TAF15: variants seen among roughly 807,000 people sequenced by gnomAD.
TAF15 encodes TATA-box binding protein associated factor 15.
In TAF15, 37 loss-of-function variants were observed where a neutral mutation model predicts 102.5. The ratio of observed to expected loss-of-function variants is 0.36; its 90% CI spans 0.28 to 0.47. The LOEUF is 0.47. Among genes scored for constraint, TAF15 ranks in the 20% least tolerant of loss-of-function variants. The pLI is 0.99. For missense variants in TAF15, 652 were observed against 760.7 expected (o/e 0.86, Z 1.68); for synonymous variants, 273 against 259.2 (o/e 1.05, Z -0.51).
chr17:35,844,425 G>C, intron 14 of TAF15, 52 bp from the exon 15 acceptor site: 1 of 1,612,702 alleles, frequency 6.2e-7, no homozygotes, highest in South Asian at 1.1e-5. Context: ...TAGCATTAAG[G>C]GGGCTTTACG....
Position 35,847,070 on chromosome 17 carries a change from T to TG in TAF15, c.*128dup. 1 of 391,476 alleles carries TG rather than the reference T, an allele frequency of 2.6e-6. No individual in the cohort carries two copies. Among genetic ancestry groups the TG allele is most frequent in the Non-Finnish European group, 5.3e-6 (1 of 188,600 alleles). The allele number at this position is 391,476 out of a possible 1,614,324, so 24.3% of individuals were successfully genotyped here. A position where few individuals can be genotyped will look rare whatever the true frequency, so the allele number is the denominator to read the frequency against. ...ATTAAGTGACATTTGGATTTTTATT[T>TG]GGGTGGGAGGGCTGGGACAGTTTTT... is the stretch of plus-strand genomic sequence containing the variant. On this transcript the variant is annotated 3_prime_UTR_variant, in exon 16 of 16. Coordinates refer to ENST00000605844, the MANE Select transcript of TAF15 (RefSeq NM_139215.3).
rs753814418 is a variant in TAF15 at position 35,844,062 on chromosome 17, G to A, written c.1007-15G>A. 1.2e-6 allele frequency: 2 copies of A among 1,612,924 alleles called. No individual in the cohort carries two copies. Among genetic ancestry groups the A allele is most frequent in the East Asian group, 2.2e-5 (1 of 44,880 alleles). On this transcript the variant is annotated splice_polypyrimidine_tract_variant and intron_variant, in intron 12 of 15. Coordinates refer to ENST00000605844, the MANE Select transcript of TAF15 (RefSeq NM_139215.3). ...ATCTGCTGCTGATTTTTCTCCCCTGGCCCCATCCCCCTAGGCCGTGGAGGA... is the reference window on the plus strand; with the variant it reads ...ATCTGCTGCTGATTTTTCTCCCCTGACCCCATCCCCCTAGGCCGTGGAGGA...
At chr17:35,836,986 A>G (rs2087482818) in intron 10 of TAF15, among the ~76,000 whole-genome samples, 1 of 151,962 alleles carries the variant, frequency 6.6e-6, no homozygotes, top group Non-Finnish European at 1.5e-5. Context: ...GTTGGCCAGG[A>G]TGGTCTTGAT....
intron 5 of TAF15, among the ~76,000 whole-genome samples, chr17:35,821,848 T>C (rs2087262192): frequency 6.6e-6 from 1 of 152,188 alleles, no homozygotes; most frequent in Non-Finnish European, 1.5e-5. Context: ...TGAAGATGTT[T>C]AGAAGACTGT....
At position 35,842,407 on chromosome 17, in the gene TAF15, C is replaced by G; in HGVS notation, c.954C>G (p.Ala318=). The change falls in exon 12 of 16, where the codon GCC becomes GCG. Residue 318 remains alanine, a synonymous_variant. Coordinates refer to ENST00000605844, the MANE Select transcript of TAF15 (RefSeq NM_139215.3). ...GCAACATCATTAAAGTGTCCTTTGC[C>G]ACTAGAAGACCTGAATTCATGAGAG... ...FHGNIIKVSF[A]TRRPEFMRGG... 6.2e-7 allele frequency: 1 copy of G among 1,614,030 alleles called. No homozygotes were observed. Among genetic ancestry groups the G allele is most frequent in the African/African-American group, 1.3e-5 (1 of 74,994 alleles).
intron 1 of TAF15, 102 bp from the exon 2 acceptor site, chr17:35,817,614 T>A: frequency 1.0e-6 from 1 of 1,002,006 alleles, no homozygotes; most frequent in Non-Finnish European, 1.5e-6. Flanking sequence ...TTTCTGCAGT[T>A]CTTTACATTT....
At chr17:35,822,915 G>GGCTGGGCGCGGTGGCTCAGGCCTGT in intron 6 of TAF15, 82 bp downstream of exon 6, 2 of 1,534,342 alleles carry the variant, frequency 1.3e-6, no homozygotes, top group Non-Finnish European at 1.8e-6. Context: ...AACCACAGAG[G>GGCTGGGCGCGGTGGCTCAGGCCTGT]ATTTCACCTG....
intron 7 of TAF15, among the ~76,000 whole-genome samples, chr17:35,825,594 C>G (rs530526128): frequency 1.3e-5 from 2 of 152,288 alleles, no homozygotes; most frequent in East Asian, 1.9e-4. Flanking sequence ...GATTATTAAA[C>G]TATCACTGTG....
chr17:35,820,207 A>T lies in TAF15; in HGVS notation c.143A>T (p.Gln48Leu), dbSNP rs2087242457. ...YGQTTDSSYG[Q>L]NYSGYSSYGQ... is the part of the protein sequence containing the mutation. ...CAAACGACTGATTCCTCTTATGGAC[A>T]GAACTACAGCGGTTACTCCAGTTAT... is the stretch of plus-strand genomic sequence containing the variant. Residue 48 changes from glutamine to leucine, a missense_variant, in exon 4 of 16, where the codon CAG (glutamine) becomes CTG (leucine). Physicochemically the swap from Gln to Leu is moderately radical, Grantham distance 113. This residue lies in a region of TAF15 where 243 missense variants were observed against 284.1 expected (regional missense o/e 0.86). Transcript: ENST00000605844. 6.2e-7 allele frequency: 1 copy of T among 1,614,048 alleles called. No homozygotes were observed. The highest frequency in any genetic ancestry group is 1.7e-5 in the Admixed American group (1 of 60,004).
chr17:35,817,781 T>C lies in TAF15; in HGVS notation c.47+26T>C. ...GTAAAGTATACATACATTTTAATAA[T>C]ATGAAAGGGTAGAACTGAGGTGAAT... On this transcript the variant is annotated intron_variant, in intron 2 of 15. Coordinates refer to ENST00000605844, the MANE Select transcript of TAF15 (RefSeq NM_139215.3). 1.9e-6 allele frequency: 3 copies of C among 1,605,338 alleles called. No individual in the cohort carries two copies. The Admixed American group carries it at 5.0e-5, about 27-fold the overall frequency.
chr17:35,828,046 C>CT (rs1444877318), intron 7 of TAF15, among the ~76,000 whole-genome samples: 1 of 152,218 alleles, frequency 6.6e-6, no homozygotes, highest in Non-Finnish European at 1.5e-5. Context: ...TTAACACCTT[C>CT]TAAAATTGCC....
At position 35,820,326 on chromosome 17, in the gene TAF15, C is replaced by T. The variant is rs1209454717; in HGVS notation, c.185-6C>T. 1.2e-6 allele frequency: 2 copies of T among 1,613,740 alleles called. No homozygotes were observed. Among genetic ancestry groups the T allele is most frequent in the African/African-American group, 2.7e-5 (2 of 74,886 alleles). On this transcript the variant is annotated splice_polypyrimidine_tract_variant and splice_region_variant and intron_variant, in intron 4 of 15. Coordinates refer to ENST00000605844, the MANE Select transcript of TAF15 (RefSeq NM_139215.3). ...TCACTAAATGATATACTCATCTAAT[C>T]TTTAGGTTATTCACAGTCCTATGGT...
At chr17:35,839,455 C>A (rs1376844486) in intron 11 of TAF15, among the ~76,000 whole-genome samples, 1 of 135,760 alleles carries the variant, frequency 7.4e-6, no homozygotes, top group South Asian at 2.4e-4. Flanking sequence ...AATCTCGGCT[C>A]ACTGCAGGCT....
rs771088255 is a variant in TAF15 at position 35,844,864 on chromosome 17, A to G, written c.1565A>G (p.Tyr522Cys). The change falls in exon 15 of 16, where the codon TAT (tyrosine) becomes TGT (cysteine). Residue 522 changes from tyrosine to cysteine, a missense_variant. Around this residue, in one of 3 missense-constraint regions of TAF15, gnomAD observed 368 missense variants for 367.5 expected, o/e 1.00. Transcript: ENST00000605844. ...GGTTATGGAGGAGATCGAGGAGGCT[A>G]TGGAGGAGACAGAAGCCGGGGGGGC... is the stretch of plus-strand genomic sequence containing the variant. ...RGGYGGDRGGYGGDRSRGGYG... is the reference protein window; with the variant it reads ...RGGYGGDRGGCGGDRSRGGYG... 2.0e-5 allele frequency: 33 copies of G among 1,610,124 alleles called. No homozygotes were observed. Among genetic ancestry groups the G allele is most frequent in the African/African-American group, 2.7e-5 (2 of 73,518 alleles).
At chr17:35,819,957 C>T in intron 2 of TAF15, 67 bp from the exon 3 acceptor site, 1 of 1,416,614 alleles carries the variant, frequency 7.1e-7, no homozygotes, top group Non-Finnish European at 9.9e-7. Context: ...AAAATGAAGG[C>T]AAGGTCTTCA....
intron 5 of TAF15, among the ~76,000 whole-genome samples, chr17:35,822,371 A>T (rs112068140): frequency 4.6e-5 from 7 of 151,196 alleles, no homozygotes; most frequent in African/African-American, 1.7e-4. Context: ...AAGTTCAAGG[A>T]GATAGTAAAA....
chr17:35,817,808 T>G, intron 2 of TAF15, 53 bp downstream of exon 2: 1 of 1,507,468 alleles, frequency 6.6e-7, no homozygotes, highest in Non-Finnish European at 9.2e-7. Context: ...GAGGTGAATT[T>G]TGTCAAGCTT....
intron 1 of TAF15, among the ~76,000 whole-genome samples, chr17:35,812,164 A>C (rs2087132052): frequency 6.6e-6 from 1 of 152,216 alleles, no homozygotes; most frequent in African/African-American, 2.4e-5. Flanking sequence ...CATTATGTGA[A>C]GGAATGAACT....
chr17:35,816,417 T>G (rs1475525442), intron 1 of TAF15, among the ~76,000 whole-genome samples: 1 of 152,170 alleles, frequency 6.6e-6, no homozygotes, highest in Non-Finnish European at 1.5e-5. Context: ...GGAGAATGAC[T>G]CAAGTCTAGG....
Sources: gnomAD v4.1 joint callset for allele counts (sites outside exome capture counted in the v4.1 genomes callset) on GRCh38, gnomAD v4.1.1 for gene constraint, gnomAD v4.1.1 regional missense constraint, MANE v1.5 for transcripts, NCBI Gene and HGNC (gene_info 2026-07-23, HGNC 2026-07-21) for gene names.